The following PCLO variants were observed in gnomAD, a reference collection of about 807,000 sequenced individuals.
PCLO encodes the protein piccolo presynaptic cytomatrix protein.
Under a neutral mutation model 427.5 loss-of-function variants are expected in PCLO, and 82 were observed. That is an observed-to-expected ratio of 0.19 (90% CI 0.16 to 0.23). The LOEUF (loss-of-function observed/expected upper bound fraction) is 0.23, where lower values mean the gene tolerates loss of function less well. PCLO is among the 10% of genes least tolerant of loss of function. PCLO has a pLI of 1.00. For synonymous variants in PCLO, 2,357 were observed against 2,155.4 expected, an observed-to-expected ratio of 1.09 and a Z score of -2.59; for missense variants, 6,239 against 6,115.9, an observed-to-expected ratio of 1.02 and a Z score of -0.67.
chr7:82,889,156 T>C (rs1212076883), intron 9 of PCLO, among the ~76,000 whole-genome samples: 1 of 152,112 alleles, frequency 6.6e-6, no homozygotes, highest in Non-Finnish European at 1.5e-5. Context: ...GGTTGTTCAG[T>C]GTTCCCCAGC....
intron 8 of PCLO, among the ~76,000 whole-genome samples, chr7:82,904,656 T>G (rs1248642352): frequency 2.0e-5 from 3 of 152,002 alleles, no homozygotes. Context: ...TTTCCAATTT[T>G]CAGGCTGGGG....
chr7:83,125,763 C>T (rs1791423183), intron 3 of PCLO, among the ~76,000 whole-genome samples: 1 of 152,098 alleles, frequency 6.6e-6, no homozygotes, highest in Admixed American at 6.6e-5. Context: ...GTCGCAGGGT[C>T]CTCTGCCTAG....
Position 83,020,254 on chromosome 7 carries a change from G to A in PCLO, c.3301-53767C>T, listed in dbSNP as rs374550009. 1.4e-4 allele frequency among the ~76,000 whole-genome samples: 21 copies of A among 152,202 alleles called. No homozygotes were observed. In the East Asian group the frequency reaches 2.7e-3, roughly 20 times the overall value. The stretch of plus-strand genomic sequence containing the variant: ...CAAAAACTAGTTTTGTGTTGTTGAT[G>A]CATGCTGTTACATTCCATCTTTCAT... On this transcript the variant is annotated intron_variant, in intron 3 of 24. Transcript: ENST00000333891.
chr7:82,816,018 C>G (rs1302998321), intron 20 of PCLO, among the ~76,000 whole-genome samples: 2 of 151,898 alleles, frequency 1.3e-5, no homozygotes, highest in Non-Finnish European at 2.9e-5. Flanking sequence ...GTGTTTTTGG[C>G]TTTTTAGTGA....
chr7:83,114,882 A>T (rs1366690946), intron 3 of PCLO, among the ~76,000 whole-genome samples: 1 of 152,016 alleles, frequency 6.6e-6, no homozygotes, highest in Non-Finnish European at 1.5e-5. Flanking sequence ...GGCTCAGCTG[A>T]CACTATTCAC....
intron 3 of PCLO, among the ~76,000 whole-genome samples, chr7:82,987,637 T>TA (rs976313919): frequency 6.6e-6 from 1 of 151,602 alleles, no homozygotes; most frequent in African/African-American, 2.4e-5. Flanking sequence ...AAACTTGATC[T>TA]AAAAAAAAGC....
intron 2 of PCLO, among the ~76,000 whole-genome samples, chr7:83,140,623 G>A (rs1264352262): frequency 6.6e-6 from 1 of 152,150 alleles, no homozygotes; most frequent in African/African-American, 2.4e-5. Flanking sequence ...TGTGCTCTGT[G>A]TTTACTGTGA....
chr7:82,927,913 A>T (rs1368712561), intron 6 of PCLO, among the ~76,000 whole-genome samples: 2 of 152,166 alleles, frequency 1.3e-5, no homozygotes, highest in African/African-American at 4.8e-5. Flanking sequence ...TTAGCTTCAG[A>T]AAATGGGAGG....
At chr7:82,862,376 T>G (rs1442712057) in intron 10 of PCLO, among the ~76,000 whole-genome samples, 1 of 151,902 alleles carries the variant, frequency 6.6e-6, no homozygotes, top group Admixed American at 6.6e-5. Flanking sequence ...ACAGTCAATA[T>G]GCAGAAGAGT....
chr7:82,943,611 A>G (rs577678452), intron 6 of PCLO, among the ~76,000 whole-genome samples: 3 of 152,254 alleles, frequency 2.0e-5, no homozygotes, highest in South Asian at 4.1e-4. Context: ...CTCTGTAGAG[A>G]GCATGCTACA....
chr7:82,933,002 G>T (rs1158725632), intron 6 of PCLO, among the ~76,000 whole-genome samples: 1 of 151,954 alleles, frequency 6.6e-6, no homozygotes, highest in Non-Finnish European at 1.5e-5. Context: ...ATTCTGACAA[G>T]TTCTCCCTGA....
chr7:82,787,746 C>T (rs1791014046), intron 22 of PCLO, among the ~76,000 whole-genome samples: 1 of 152,064 alleles, frequency 6.6e-6, no homozygotes, highest in African/African-American at 2.4e-5. Context: ...CTCAGATAAA[C>T]TCACGGCTGA....
At chr7:82,799,067 G>T (rs947571805) in intron 22 of PCLO, among the ~76,000 whole-genome samples, 15 of 152,118 alleles carry the variant, frequency 9.9e-5, no homozygotes, top group African/African-American at 3.6e-4. Context: ...GTATTAGGAT[G>T]AATAATTTCT....
At chr7:82,766,742 G>A (rs180982069) in intron 22 of PCLO, among the ~76,000 whole-genome samples, 2 of 151,986 alleles carry the variant, frequency 1.3e-5, no homozygotes, top group African/African-American at 4.8e-5. Flanking sequence ...GTTGTTTTTC[G>A]CCTTCTCACT....
intron 3 of PCLO, among the ~76,000 whole-genome samples, chr7:83,015,001 A>T (rs1788171781): frequency 6.6e-6 from 1 of 152,088 alleles, no homozygotes; most frequent in African/African-American, 2.4e-5. Flanking sequence ...AACTAACACA[A>T]TAATCCTATC....
chr7:82,842,755 T>C (rs141652611), intron 13 of PCLO, among the ~76,000 whole-genome samples: 90 of 152,116 alleles, frequency 5.9e-4, no homozygotes, highest in African/African-American at 2.1e-3. Context: ...AGATTTGGAA[T>C]AGACATTTCT....
At chr7:82,805,991 G>T (rs370935832) in intron 20 of PCLO, among the ~76,000 whole-genome samples, 162 bp from the exon 21 acceptor site, 6 of 152,202 alleles carry the variant, frequency 3.9e-5, no homozygotes, top group South Asian at 2.1e-4. Context: ...TACTGATAAT[G>T]AATGGTGGCA....
At chr7:82,777,973 C>T (rs1247885392) in intron 22 of PCLO, among the ~76,000 whole-genome samples, 1 of 152,038 alleles carries the variant, frequency 6.6e-6, no homozygotes, top group Non-Finnish European at 1.5e-5. Flanking sequence ...AGGAAACAGA[C>T]AAACTACAGA....
At chr7:83,024,753 A>G (rs1328684332) in intron 3 of PCLO, among the ~76,000 whole-genome samples, 2 of 152,208 alleles carry the variant, frequency 1.3e-5, no homozygotes, top group African/African-American at 4.8e-5. Flanking sequence ...ACGCAGCTGG[A>G]GATCTGAGAA....
Sources: gnomAD v4.1 joint callset for allele counts (sites outside exome capture counted in the v4.1 genomes callset) on GRCh38, gnomAD v4.1.1 for gene constraint, MANE v1.5 for transcripts, NCBI Gene and HGNC (gene_info 2026-07-23, HGNC 2026-07-21) for gene names.